TMEM26: variants seen among roughly 807,000 people sequenced by gnomAD.
TMEM26 encodes transmembrane protein 26.
Under a neutral mutation model 28.8 loss-of-function variants are expected in TMEM26, and 38 were observed. That is an observed-to-expected ratio of 1.32 (90% CI 1.02 to 1.73). The LOEUF is 1.73. TMEM26 is among the 40% of genes most tolerant of loss of function. TMEM26 has a pLI of 0.00. For synonymous variants in TMEM26, 227 were observed against 182.9 expected (o/e 1.24, Z -1.95); for missense variants, 518 against 447.1 (o/e 1.16, Z -1.43).
chr10:61,434,261 G>T (rs1474327986), intron 2 of TMEM26, among the ~76,000 whole-genome samples: 3 of 152,046 alleles, frequency 2.0e-5, no homozygotes, highest in Non-Finnish European at 4.4e-5. Flanking sequence ...TACTACTAAA[G>T]GTTCAGTTTC....
At chr10:61,445,298 T>A (rs1440312686) in intron 1 of TMEM26, among the ~76,000 whole-genome samples, 2 of 152,172 alleles carry the variant, frequency 1.3e-5, no homozygotes, top group Non-Finnish European at 2.9e-5. Flanking sequence ...TTAAAATGTG[T>A]ATGGGACAGG....
At chr10:61,438,206 G>A (rs1274967412) in intron 1 of TMEM26, among the ~76,000 whole-genome samples, 1 of 152,088 alleles carries the variant, frequency 6.6e-6, no homozygotes, top group Non-Finnish European at 1.5e-5. Flanking sequence ...GAAACAAAAG[G>A]TTATGGGTCA....
At position 61,410,019 on chromosome 10, in the gene TMEM26, T is replaced by C. The variant is rs1839542529; in HGVS notation, c.*303A>G. On this transcript the variant is annotated 3_prime_UTR_variant, in exon 6 of 6. Transcript: ENST00000399298. ...CGACAGTTGGTCTGCACCAAATCTT[T>C]CGAGGGCATGTCACTGTAACCTCTT... 3 of 330,886 alleles carry C rather than the reference T, an allele frequency of 9.1e-6. No homozygotes were observed. The Admixed American group carries it at 1.4e-4, about 15-fold the overall frequency. 20.5% of individuals were successfully genotyped at this position (330,886 alleles called of 1,614,324 possible). A position where few individuals can be genotyped will look rare whatever the true frequency, so the allele number is the denominator to read the frequency against.
At chr10:61,447,522 G>C (rs542005353) in intron 1 of TMEM26, among the ~76,000 whole-genome samples, 1 of 152,230 alleles carries the variant, frequency 6.6e-6, no homozygotes, top group Admixed American at 6.5e-5. Flanking sequence ...TTCCTAACTT[G>C]TCTTTTCTGT....
chr10:61,446,249 G>A (rs1324171983), intron 1 of TMEM26, among the ~76,000 whole-genome samples: 1 of 152,084 alleles, frequency 6.6e-6, no homozygotes, highest in African/African-American at 2.4e-5. Flanking sequence ...ACCATGACTT[G>A]GATTACTAAG....
intron 1 of TMEM26, 116 bp from the exon 2 acceptor site, chr10:61,436,364 C>A (rs1257037067): frequency 1.8e-5 from 10 of 568,166 alleles, no homozygotes; most frequent in South Asian, 1.0e-4. Flanking sequence ...TTGAGTCAAA[C>A]CTTTTCGTAT....
At chr10:61,431,542 T>C (rs965239873) in intron 2 of TMEM26, among the ~76,000 whole-genome samples, 3 of 152,080 alleles carry the variant, frequency 2.0e-5, no homozygotes, top group Non-Finnish European at 4.4e-5. Flanking sequence ...ATACAAATCT[T>C]ATTTTTCCAT....
intron 2 of TMEM26, among the ~76,000 whole-genome samples, chr10:61,435,367 T>C (rs1839986685): frequency 6.6e-6 from 1 of 152,094 alleles, no homozygotes; most frequent in African/African-American, 2.4e-5. Context: ...TTTCGGTAGA[T>C]ACAGGGTTTC....
chr10:61,452,056 A>G (rs1439977674), intron 1 of TMEM26, among the ~76,000 whole-genome samples: 2 of 152,124 alleles, frequency 1.3e-5, no homozygotes, highest in Admixed American at 1.3e-4. Context: ...CCTAACTTGG[A>G]GAAGTTCTGG....
chr10:61,445,633 A>G (rs1361100944), intron 1 of TMEM26, among the ~76,000 whole-genome samples: 1 of 152,226 alleles, frequency 6.6e-6, no homozygotes, highest in Non-Finnish European at 1.5e-5. Context: ...TATTTTCAAT[A>G]TGACTTTCCA....
At chr10:61,412,539 A>G (rs1839584383) in intron 5 of TMEM26, among the ~76,000 whole-genome samples, 1 of 152,186 alleles carries the variant, frequency 6.6e-6, no homozygotes, top group Non-Finnish European at 1.5e-5. Flanking sequence ...AAACATAATT[A>G]TTAATTTCTA....
intron 1 of TMEM26, among the ~76,000 whole-genome samples, chr10:61,452,348 C>G (rs1169947256): frequency 1.3e-5 from 2 of 152,236 alleles, no homozygotes; most frequent in Non-Finnish European, 2.9e-5. Flanking sequence ...CTAGAGAACG[C>G]GCGACGCGCG....
intron 1 of TMEM26, among the ~76,000 whole-genome samples, chr10:61,450,297 G>A (rs560501415): frequency 3.9e-5 from 6 of 151,986 alleles, no homozygotes; most frequent in South Asian, 2.1e-4. Context: ...CTAGATTTTC[G>A]AATGGAAATT....
At chr10:61,413,563 G>A (rs1188555071) in intron 4 of TMEM26, 28 bp from the exon 5 acceptor site, 2 of 1,575,382 alleles carry the variant, frequency 1.3e-6, no homozygotes, top group Non-Finnish European at 1.7e-6. Flanking sequence ...TGTTAAATTT[G>A]TAATAAAAAG....
chr10:61,445,590 C>A (rs1343958431), intron 1 of TMEM26, among the ~76,000 whole-genome samples: 2 of 152,054 alleles, frequency 1.3e-5, no homozygotes, highest in Non-Finnish European at 2.9e-5. Flanking sequence ...TTCACCCTGG[C>A]ATGTTACATT....
intron 2 of TMEM26, among the ~76,000 whole-genome samples, chr10:61,434,005 C>T (rs1174464384): frequency 1.3e-5 from 2 of 152,094 alleles, no homozygotes; most frequent in Non-Finnish European, 2.9e-5. Context: ...TATGTGAAAA[C>T]ATTTGTGAAA....
At chr10:61,419,417 A>G (rs759317582) in intron 4 of TMEM26, among the ~76,000 whole-genome samples, 2 of 152,138 alleles carry the variant, frequency 1.3e-5, no homozygotes, top group Non-Finnish European at 2.9e-5. Flanking sequence ...ACTAAGTTTG[A>G]TTGGTTAAAG....
chr10:61,437,667 C>A (rs1840030217), intron 1 of TMEM26, among the ~76,000 whole-genome samples: 1 of 152,064 alleles, frequency 6.6e-6, no homozygotes, highest in Admixed American at 6.6e-5. Flanking sequence ...GGCCTGTAAT[C>A]CCACCTATTC....
At chr10:61,418,942 C>T (rs1298944690) in intron 4 of TMEM26, among the ~76,000 whole-genome samples, 1 of 152,066 alleles carries the variant, frequency 6.6e-6, no homozygotes, top group Non-Finnish European at 1.5e-5. Flanking sequence ...ACTCCATGCA[C>T]AGATCATCAA....
Sources: allele counts gnomAD v4.1 joint callset (sites outside exome capture counted in the v4.1 genomes callset), GRCh38; gene constraint gnomAD v4.1.1; transcripts MANE v1.5; gene names NCBI Gene and HGNC (gene_info 2026-07-23, HGNC 2026-07-21).